Variants in NFIB observed in about 807,000 individuals in gnomAD.
NFIB encodes the protein nuclear factor 1 B-type.
A neutral mutation model predicts 61.5 loss-of-function variants in NFIB; 11 were observed. The observed-to-expected ratio is 0.18, with a 90% CI of 0.11 to 0.30. NFIB has a LOEUF of 0.30. NFIB is among the 10% of genes least tolerant of loss of function. NFIB has a pLI of 1.00. For synonymous variants in NFIB, 260 were observed against 216.5 expected, an observed-to-expected ratio of 1.20 and a Z score of -1.76; for missense variants, 471 against 608.9, an observed-to-expected ratio of 0.77 and a Z score of 2.38.
Position 14,201,294 on chromosome 9 carries a change from G to A in NFIB, c.563-21514C>T, listed in dbSNP as rs149742570. Reference sequence around the variant, plus strand: ...ACAACCTCCTTAGTACAGCATTCAAGGTGCTCCATAACCTGGCCCCAGCCT... The same window carrying A: ...ACAACCTCCTTAGTACAGCATTCAAAGTGCTCCATAACCTGGCCCCAGCCT... On this transcript the variant is annotated intron_variant, in intron 2 of 10. Transcript: ENST00000380953. Among the ~76,000 whole-genome samples, 509 of 152,208 alleles carry A rather than the reference G, an allele frequency of 3.3e-3. 5 individuals carry two copies. Among genetic ancestry groups the A allele is most frequent in the South Asian group, 0.015 (70 of 4,816 alleles).
At chr9:14,248,491 A>G (rs751055134) in intron 2 of NFIB, among the ~76,000 whole-genome samples, 5 of 151,908 alleles carry the variant, frequency 3.3e-5, no homozygotes, top group Admixed American at 6.6e-5. Flanking sequence ...GGCTGGTCTC[A>G]AACTCTTGAA....
intron 2 of NFIB, among the ~76,000 whole-genome samples, chr9:14,235,367 T>A (rs768158938): frequency 6.6e-6 from 1 of 152,200 alleles, no homozygotes; most frequent in Non-Finnish European, 1.5e-5. Flanking sequence ...TGTAAAAGCC[T>A]GTGTGAGACC....
At chr9:14,377,249 C>T (rs115972539) in intron 1 of NFIB, among the ~76,000 whole-genome samples, 1 of 152,208 alleles carries the variant, frequency 6.6e-6, no homozygotes, top group Non-Finnish European at 1.5e-5. Flanking sequence ...AAGACAGAGT[C>T]TCACTCTGTT....
At chr9:14,314,986 C>T (rs2060474057), upstream of NFIB, among the ~76,000 whole-genome samples, 1 of 152,024 alleles carries the variant, frequency 6.6e-6, no homozygotes, top group Non-Finnish European at 1.5e-5. Context: ...GGAAAATTCC[C>T]TCACACCCAG....
chr9:14,450,633 G>C, the NFIB span, among the ~76,000 whole-genome samples: 1 of 151,976 alleles, frequency 6.6e-6, no homozygotes, highest in Non-Finnish European at 1.5e-5. Flanking sequence ...CTTTAAATCA[G>C]ATGTTACAGC....
intron 1 of NFIB, among the ~76,000 whole-genome samples, chr9:14,353,432 C>G (rs996149966): frequency 6.6e-6 from 1 of 151,978 alleles, no homozygotes; most frequent in Non-Finnish European, 1.5e-5. Context: ...CTTGGCAGAG[C>G]GGGGGAGCTC....
At chr9:14,469,468 CCTTTGCCCATCCTCTGGTTCTAAAAT>C in the NFIB span, among the ~76,000 whole-genome samples, 1 of 152,118 alleles carries the variant, frequency 6.6e-6, no homozygotes, top group Non-Finnish European at 1.5e-5. Context: ...AGTGAGTTTG[CCTTTGCCCATCCTCTGGTTCTAAAAT>C]CTTCTCCCTT....
intron 2 of NFIB, among the ~76,000 whole-genome samples, chr9:14,191,694 T>C (rs1563884475): frequency 6.6e-6 from 1 of 152,198 alleles, no homozygotes; most frequent in Admixed American, 6.5e-5. Flanking sequence ...CTGAATGATA[T>C]CAAACCTATG....
Position 14,276,080 on chromosome 9 carries a change from G to GT in NFIB, c.562+30908dup, listed in dbSNP as rs539579362. Among the ~76,000 whole-genome samples the GT allele has an allele frequency of 1.2e-3, 187 of 152,192 alleles. 1 individual carries two copies. The highest frequency in any genetic ancestry group is 4.4e-3 in the African/African-American group (183 of 41,530). On this transcript the variant is annotated intron_variant, in intron 2 of 10. Coordinates refer to ENST00000380953, the MANE Select transcript of NFIB (RefSeq NM_001190737.2). ...AATTACATGACTAGATACTGCAGGG[G>GT]TTTTTTGTTTTGTCTTGTCAAGCAA... is the stretch of plus-strand genomic sequence containing the variant.
At chr9:14,465,056 G>A in the NFIB span, among the ~76,000 whole-genome samples, 1 of 152,262 alleles carries the variant, frequency 6.6e-6, no homozygotes, top group African/African-American at 2.4e-5. Context: ...AATATTGCTT[G>A]GTTGGGAAAC....
intron 3 of NFIB, among the ~76,000 whole-genome samples, chr9:14,160,831 C>CAAAAAAAAAAAAAAAAAA (rs36063048): frequency 7.3e-5 from 7 of 96,320 alleles, no homozygotes; most frequent in Admixed American, 1.2e-4. Context: ...AAGGAAATCT[C>CAAAAAAAAAAAAAAAAAA]AAAAAAAAAA....
intron 2 of NFIB, among the ~76,000 whole-genome samples, chr9:14,255,639 C>G (rs894391665): frequency 6.6e-6 from 1 of 152,136 alleles, no homozygotes; most frequent in African/African-American, 2.4e-5. Context: ...ATTAACCCTC[C>G]TAACATCCTT....
intron 2 of NFIB, among the ~76,000 whole-genome samples, chr9:14,291,716 G>A (rs550856400): frequency 2.6e-5 from 4 of 151,724 alleles, no homozygotes; most frequent in South Asian, 4.2e-4. Context: ...CAAGCTAATC[G>A]GAAAATTACA....
At chr9:14,339,117 A>T (rs2060919925) in intron 1 of NFIB, among the ~76,000 whole-genome samples, 1 of 152,186 alleles carries the variant, frequency 6.6e-6, no homozygotes, top group African/African-American at 2.4e-5. Context: ...CAAATCTAGA[A>T]ATTGCAGATC....
intron 1 of NFIB, among the ~76,000 whole-genome samples, chr9:14,386,882 A>G (rs2061555757): frequency 6.6e-6 from 1 of 152,232 alleles, no homozygotes; most frequent in African/African-American, 2.4e-5. Flanking sequence ...GGTTCCACAG[A>G]CAAATATGTT....
At chr9:14,465,362 TCA>T in the NFIB span, among the ~76,000 whole-genome samples, 1 of 152,036 alleles carries the variant, frequency 6.6e-6, no homozygotes, top group Non-Finnish European at 1.5e-5. Flanking sequence ...TCACACAAAT[TCA>T]CACTCAAGTG....
In NFIB at chr9:14,375,086, C is replaced by G. The variant is rs538319796; in HGVS notation, c.108+23438G>C. The stretch of plus-strand genomic sequence containing the variant: ...TTGTTCAGTAAGGATTTGTATTTAA[C>G]TGGCAGTAACAGAGACCAGACTTCA... On this transcript the variant is annotated intron_variant, in intron 1 of 8. Coordinates refer to the NFIB transcript ENST00000380934. Among the ~76,000 whole-genome samples, 12 of 152,276 alleles carry G rather than the reference C, an allele frequency of 7.9e-5. No individual in the cohort carries two copies. In the East Asian group the frequency reaches 2.3e-3, roughly 29 times the overall value.
chr9:14,359,498 A>C (rs1588365614), intron 1 of NFIB, among the ~76,000 whole-genome samples: 1 of 152,280 alleles, frequency 6.6e-6, no homozygotes, highest in African/African-American at 2.4e-5. Flanking sequence ...AAAGAAACAA[A>C]ATCTCCCCCA....
chr9:14,278,579 A>G (rs1432101428), intron 2 of NFIB, among the ~76,000 whole-genome samples: 1 of 152,222 alleles, frequency 6.6e-6, no homozygotes. Flanking sequence ...AGCGGAGCCT[A>G]GAATGTTTGG....
Sources: gnomAD v4.1 joint callset for allele counts (sites outside exome capture counted in the v4.1 genomes callset) on GRCh38, gnomAD v4.1.1 for gene constraint, MANE v1.5 for transcripts, NCBI Gene and HGNC (gene_info 2026-07-23, HGNC 2026-07-21) for gene names.